Variants in MICAL3 observed in about 807,000 individuals in gnomAD.
MICAL3 encodes microtubule associated monooxygenase, calponin and LIM domain containing 3, also known as [F-actin]-monooxygenase MICAL3.
A neutral mutation model predicts 207.4 loss-of-function variants in MICAL3; 62 were observed. That is an observed-to-expected ratio of 0.30 (90% CI 0.24 to 0.37). The LOEUF (loss-of-function observed/expected upper bound fraction) is 0.37, where lower values mean the gene tolerates loss of function less well. Among genes scored for constraint, MICAL3 ranks in the 10% least tolerant of loss-of-function variants. MICAL3 has a pLI of 1.00. For synonymous variants in MICAL3, 1,077 were observed against 1,069.3 expected (o/e 1.01, Z -0.14); for missense variants, 2,368 against 2,635.6 (o/e 0.90, Z 2.22).
chr22:17,944,676 A>T (rs977979297), intron 1 of MICAL3, among the ~76,000 whole-genome samples: 1 of 152,172 alleles, frequency 6.6e-6, no homozygotes, highest in Non-Finnish European at 1.5e-5. Context: ...TGTCAAGAGA[A>T]GGGCACTACA....
intron 19 of MICAL3, among the ~76,000 whole-genome samples, chr22:17,848,253 G>A (rs1458171652): frequency 6.6e-6 from 1 of 152,170 alleles, no homozygotes; most frequent in Non-Finnish European, 1.5e-5. Context: ...TTTGCACAGA[G>A]TCCAGATCAT....
At chr22:17,860,226 G>T in intron 19 of MICAL3, 1 of 983,566 alleles carries the variant, frequency 1.0e-6, no homozygotes, top group Non-Finnish European at 1.2e-6. Flanking sequence ...TTAAAAGCAC[G>T]ACAACTTGGT....
At chr22:17,983,624 C>T (rs1219079283) in intron 1 of MICAL3, 1 of 152,882 alleles carries the variant, frequency 6.5e-6, no homozygotes, top group Non-Finnish European at 1.5e-5. Flanking sequence ...CATGGCTTAC[C>T]TCCCTAGAAG....
chr22:17,837,314 G>T lies in MICAL3; in HGVS notation c.2801+4508C>A, dbSNP rs371295779. 1.2e-4 allele frequency among the ~76,000 whole-genome samples: 18 copies of T among 152,340 alleles called. No homozygotes were observed. The East Asian group carries it at 2.1e-3, about 18-fold the overall frequency. ...ACTCGTGGTGTTATTCTGAAAGAGC[G>T]GCCTTCTCTCACTTTCGTGTTATTC... On this transcript the variant is annotated intron_variant, in intron 20 of 31. Coordinates refer to ENST00000441493, the MANE Select transcript of MICAL3 (RefSeq NM_015241.3).
rs368040403 is a variant in MICAL3, at chr22:17,841,813, C to A, written c.2801+9G>T. On this transcript the variant is annotated intron_variant, in intron 20 of 31. Coordinates refer to ENST00000441493, the MANE Select transcript of MICAL3 (RefSeq NM_015241.3). This position sits in a 1 kb window ranked among gnomAD's most constrained non-coding sequence, Gnocchi z 4.2. ...GGCGGGTGGGCGCCCTGCAGCCCTG[C>A]GTGCTGACCTGCTGGCGACGTCCTC... 5 of 1,543,016 alleles carry A rather than the reference C, an allele frequency of 3.2e-6. No homozygotes were observed. The highest frequency in any genetic ancestry group is 2.6e-6 in the Non-Finnish European group (3 of 1,146,824).
Position 17,865,952 on chromosome 22 carries a change from C to G in MICAL3, c.2489G>C (p.Arg830Thr). Residue 830 changes from arginine to threonine, a missense_variant, in exon 18 of 32, where the codon AGA becomes ACA. Arg to Thr is a moderately conservative substitution (Grantham distance 71). Transcript: ENST00000441493. ...TCCAGACAGGGGAGCCACTGCCGGT[C>G]TCTTCCTTTGTGCGTAGCCAGAGAG... Reference protein sequence around the residue: ...YRLSGYAQRKRPAVAPLSGKE... With the variant: ...YRLSGYAQRKTPAVAPLSGKE... The G allele has an allele frequency of 6.2e-7, 1 of 1,613,976 alleles. No individual in the cohort carries two copies. Among genetic ancestry groups the G allele is most frequent in the Non-Finnish European group, 8.5e-7 (1 of 1,179,828 alleles).
intron 1 of MICAL3, among the ~76,000 whole-genome samples, chr22:17,946,777 T>G (rs1035764797): frequency 6.6e-6 from 1 of 152,310 alleles, no homozygotes; most frequent in Admixed American, 6.5e-5. Context: ...CTACTCCAAG[T>G]GTGCACATCA....
In MICAL3 at chr22:17,871,863, G is replaced by A. The variant is rs374400596; in HGVS notation, c.2402C>T (p.Ser801Leu). 2.4e-5 allele frequency: 38 copies of A among 1,609,848 alleles called. No homozygotes were observed. Among genetic ancestry groups the A allele is most frequent in the Non-Finnish European group, 2.9e-5 (34 of 1,178,338 alleles). ...CEYCATTLRL[S>L]AYAYDIEDGK... ...ATCCTCGATGTCGTAGGCGTAGGCC[G>A]AGAGGCGCAGGGTGGTGGCGCAGTA... The change falls in exon 17 of 32, where the codon TCG becomes TTG. Residue 801 changes from serine (S) to leucine (L), a missense_variant. Physicochemically the swap from Ser to Leu is moderately radical, Grantham distance 145. This residue lies in a region of MICAL3 where 1,770 missense variants were observed against 1,863.2 expected (regional missense o/e 0.95). Coordinates refer to ENST00000441493, the MANE Select transcript of MICAL3 (RefSeq NM_015241.3).
chr22:18,022,792 A>G (rs185734336), intron 1 of MICAL3, among the ~76,000 whole-genome samples: 1 of 152,196 alleles, frequency 6.6e-6, no homozygotes, highest in Non-Finnish European at 1.5e-5. Flanking sequence ...GGATATACAC[A>G]TGTGACTCTG....
At chr22:17,830,825 G>A (rs442822) in intron 21 of MICAL3, among the ~76,000 whole-genome samples, 1 of 152,122 alleles carries the variant, frequency 6.6e-6, no homozygotes, top group Non-Finnish European at 1.5e-5. Flanking sequence ...TCTCGCGGAC[G>A]CCCAACGGTG....
At position 17,830,634 on chromosome 22, in the gene MICAL3, G is replaced by A. The variant is rs557830396; in HGVS notation, c.3055+1220C>T. 6.0e-4 allele frequency among the ~76,000 whole-genome samples: 92 copies of A among 152,280 alleles called. 1 individual carries two copies. Among genetic ancestry groups the A allele is most frequent in the South Asian group, 3.5e-3 (17 of 4,828 alleles). ...CGCCGGCACCTGGCTCCGCAGACAC[G>A]GCAGCATGGAGGGAGAGCCCAGATT... On this transcript the variant is annotated intron_variant, in intron 21 of 31. Coordinates refer to ENST00000441493, the MANE Select transcript of MICAL3 (RefSeq NM_015241.3).
intron 1 of MICAL3, among the ~76,000 whole-genome samples, chr22:17,922,619 T>A (rs867225359): frequency 6.6e-6 from 1 of 152,164 alleles, no homozygotes; most frequent in Admixed American, 6.5e-5. Context: ...GGAAGACTCA[T>A]GCCCACAGGC....
At chr22:18,016,948 A>AG (rs1231634797) in intron 1 of MICAL3, among the ~76,000 whole-genome samples, 2 of 152,180 alleles carry the variant, frequency 1.3e-5, no homozygotes, top group African/African-American at 4.8e-5. Context: ...TCAAAAAAAA[A>AG]AAAAAGTTTC....
intron 17 of MICAL3, among the ~76,000 whole-genome samples, chr22:17,868,143 C>A (rs1927337820): frequency 6.6e-6 from 1 of 152,196 alleles, no homozygotes; most frequent in African/African-American, 2.4e-5. Context: ...ACTGTCTCAA[C>A]TGCTCAGTAG....
intron 1 of MICAL3, among the ~76,000 whole-genome samples, chr22:17,957,310 C>A (rs406129): frequency 0.24 from 36,505 of 152,166 alleles, 4,963 homozygotes; most frequent in East Asian, 0.52. Flanking sequence ...CTCTGGGCTT[C>A]CCATCTCTAG....
intron 1 of MICAL3, among the ~76,000 whole-genome samples, chr22:17,995,311 C>T (rs954533952): frequency 1.3e-4 from 19 of 151,050 alleles, no homozygotes; most frequent in Admixed American, 6.6e-4. Flanking sequence ...TGAGCAGCTG[C>T]GACTATAGGT....
chr22:17,961,624 T>C (rs1008405151), intron 1 of MICAL3, among the ~76,000 whole-genome samples: 2 of 152,278 alleles, frequency 1.3e-5, no homozygotes, highest in African/African-American at 4.8e-5. Flanking sequence ...TGGAGTCCCC[T>C]TCCCACACAC....
At chr22:17,791,468 C>G in intron 29 of MICAL3, 167 bp from the exon 30 acceptor site, 1 of 643,678 alleles carries the variant, frequency 1.6e-6, no homozygotes, top group South Asian at 1.8e-5. Context: ...CTGGCGTCCC[C>G]CTTCCTGGGG....
intron 1 of MICAL3, among the ~76,000 whole-genome samples, chr22:17,989,988 G>A (rs529576208): frequency 3.9e-5 from 6 of 152,186 alleles, no homozygotes; most frequent in African/African-American, 1.2e-4. Context: ...AGACAAGGTC[G>A]TAGTACACTT....
Sources: allele counts gnomAD v4.1 joint callset (sites outside exome capture counted in the v4.1 genomes callset), GRCh38; gene constraint gnomAD v4.1.1; regional missense constraint gnomAD v4.1.1; non-coding constraint Gnocchi (gnomAD v3.1); transcripts MANE v1.5; gene names NCBI Gene and HGNC (gene_info 2026-07-23, HGNC 2026-07-21).